The following SLC24A3 variants were observed in gnomAD, a reference collection of about 807,000 sequenced individuals.
SLC24A3 encodes solute carrier family 24 member 3.
In SLC24A3, 28 loss-of-function variants were observed where a neutral mutation model predicts 75.8. The ratio of observed to expected loss-of-function variants is 0.37; its 90% CI spans 0.27 to 0.51. The LOEUF is 0.51. Ranked by LOEUF, SLC24A3 falls within the 20% of genes least tolerant of loss-of-function variation. The probability of loss-of-function intolerance (pLI) is 0.94; values close to 1 mark genes in which losing one functional copy is unlikely to be tolerated. For missense variants in SLC24A3, 663 were observed against 847.8 expected (o/e 0.78, Z 2.71); for synonymous variants, 372 against 334.1 (o/e 1.11, Z -1.24).
chr20:19,512,701 A>G lies in SLC24A3; in HGVS notation c.272-2787A>G, dbSNP rs187568196. ...CGGGGCAGCAGTGAGGCAAGAGAAT[A>G]GAGCTGGGCTGGGGAGAACCCAGTG... On this transcript the variant is annotated intron_variant, in intron 2 of 16. Coordinates refer to ENST00000328041, the MANE Select transcript of SLC24A3 (RefSeq NM_020689.4). 3.3e-3 allele frequency among the ~76,000 whole-genome samples: 506 copies of G among 152,342 alleles called. 1 individual carries two copies. Among genetic ancestry groups the G allele is most frequent in the Non-Finnish European group, 4.7e-3 (319 of 68,016 alleles).
intron 4 of SLC24A3, among the ~76,000 whole-genome samples, chr20:19,583,656 A>T (rs1341569402): frequency 1.3e-5 from 2 of 152,230 alleles, no homozygotes; most frequent in Non-Finnish European, 2.9e-5. Flanking sequence ...ATACCCCAGC[A>T]GGACAGAACC....
intron 9 of SLC24A3, among the ~76,000 whole-genome samples, chr20:19,674,522 G>A (rs2032502347): frequency 6.6e-6 from 1 of 152,136 alleles, no homozygotes; most frequent in Non-Finnish European, 1.5e-5. Context: ...CAGAGCAAGT[G>A]GTTCAAGACA....
intron 2 of SLC24A3, among the ~76,000 whole-genome samples, chr20:19,407,864 T>C (rs565534798): frequency 6.6e-6 from 1 of 152,248 alleles, no homozygotes; most frequent in African/African-American, 2.4e-5. Flanking sequence ...GAAATAGGAG[T>C]AAGTCCTTCT....
intron 2 of SLC24A3, among the ~76,000 whole-genome samples, chr20:19,436,469 G>A (rs1248594830): frequency 6.6e-6 from 1 of 152,194 alleles, no homozygotes; most frequent in African/African-American, 2.4e-5. Flanking sequence ...ACTTTCAGGG[G>A]CTTCTCCAGG....
intron 2 of SLC24A3, among the ~76,000 whole-genome samples, chr20:19,361,202 T>C (rs1322553961): frequency 1.3e-5 from 2 of 152,212 alleles, no homozygotes; most frequent in African/African-American, 2.4e-5. Context: ...AGATATCTGC[T>C]AAAGCTTTGC....
At chr20:19,529,855 A>G (rs2030264742) in intron 3 of SLC24A3, among the ~76,000 whole-genome samples, 1 of 152,190 alleles carries the variant, frequency 6.6e-6, no homozygotes, top group African/African-American at 2.4e-5. Flanking sequence ...ACAGCCTGCC[A>G]CCTGAAAATT....
At chr20:19,495,998 A>G (rs1013893093) in intron 2 of SLC24A3, among the ~76,000 whole-genome samples, 7 of 152,170 alleles carry the variant, frequency 4.6e-5, no homozygotes, top group Admixed American at 4.6e-4. Context: ...ACAGAAGAAC[A>G]TAGAAATGTC....
At chr20:19,624,628 A>G (rs1208129642) in intron 6 of SLC24A3, among the ~76,000 whole-genome samples, 1 of 152,216 alleles carries the variant, frequency 6.6e-6, no homozygotes, top group African/African-American at 2.4e-5. Context: ...ACTCTCCTTC[A>G]GTGTCCAAAG....
At chr20:19,237,737 AT>A (rs1982207067) in intron 1 of SLC24A3, among the ~76,000 whole-genome samples, 1 of 152,090 alleles carries the variant, frequency 6.6e-6, no homozygotes, top group Admixed American at 6.5e-5. Flanking sequence ...TGAGAGGGAG[AT>A]TGAGCAGGAG....
intron 6 of SLC24A3, among the ~76,000 whole-genome samples, chr20:19,605,604 G>A (rs534685176): frequency 6.6e-5 from 10 of 152,126 alleles, no homozygotes; most frequent in South Asian, 2.1e-4. Context: ...GCTGTAACAC[G>A]TGCTGTCTGC....
chr20:19,717,421 T>A, intron 15 of SLC24A3, 107 bp from the exon 16 acceptor site: 1 of 1,031,038 alleles, frequency 9.7e-7, no homozygotes, highest in South Asian at 1.5e-5. Flanking sequence ...AGGGGAGATG[T>A]GGAATCACTG....
chr20:19,517,540 C>A (rs2122560347), intron 3 of SLC24A3, among the ~76,000 whole-genome samples: 1 of 152,334 alleles, frequency 6.6e-6, no homozygotes, highest in Middle Eastern at 3.4e-3. Flanking sequence ...TCCTTAAACA[C>A]TTCCCTAAGA....
At chr20:19,380,447 G>A (rs552777765) in intron 2 of SLC24A3, among the ~76,000 whole-genome samples, 1 of 152,288 alleles carries the variant, frequency 6.6e-6, no homozygotes, top group Admixed American at 6.5e-5. Context: ...AATAAGGGTG[G>A]ATTTACATTT....
intron 2 of SLC24A3, among the ~76,000 whole-genome samples, chr20:19,422,831 TG>T (rs1357579617): frequency 6.6e-6 from 1 of 152,214 alleles, no homozygotes; most frequent in Non-Finnish European, 1.5e-5. Flanking sequence ...CCCAGTGAGT[TG>T]GGGGAAGAAC....
At chr20:19,678,360 G>A (rs1337573715) in intron 9 of SLC24A3, among the ~76,000 whole-genome samples, 4 of 126,454 alleles carry the variant, frequency 3.2e-5, no homozygotes, top group South Asian at 2.4e-4. Context: ...CCTCCCTCCC[G>A]GACGGGGCGG....
rs1231665552 is a variant in SLC24A3, at chr20:19,253,925, A to C, written c.143-27034A>C. On this transcript the variant is annotated intron_variant, in intron 1 of 16. Transcript: ENST00000328041. ...GTTCCATGTCTAAATCAGAGGACCC[A>C]GTGGGAGACAGTAGGGTGTAGTGGA... Among the ~76,000 whole-genome samples the C allele has an allele frequency of 3.3e-5, 5 of 152,138 alleles. No individual in the cohort carries two copies. The East Asian group carries it at 7.7e-4, about 23-fold the overall frequency.
At chr20:19,306,475 A>G (rs188518711) in intron 2 of SLC24A3, among the ~76,000 whole-genome samples, 15 of 152,338 alleles carry the variant, frequency 9.8e-5, no homozygotes, top group Admixed American at 9.8e-4. Flanking sequence ...GGTGGACTGG[A>G]TAAAGAAATT....
At chr20:19,702,545 A>G (rs1057420142) in intron 15 of SLC24A3, among the ~76,000 whole-genome samples, 2 of 152,028 alleles carry the variant, frequency 1.3e-5, no homozygotes, top group Non-Finnish European at 2.9e-5. Context: ...CTTGGGGGAG[A>G]CTTGGTTAGG....
intron 7 of SLC24A3, among the ~76,000 whole-genome samples, chr20:19,663,426 T>TCCTCCTCCTCCTCCACCTCCTCCTCTA (rs1568689554): frequency 2.1e-5 from 1 of 47,178 alleles, no homozygotes; most frequent in Non-Finnish European, 3.7e-5. Context: ...CTCCTCCTCC[T>TCCTCCTCCTCCTCCACCTCCTCCTCTA]CCTCCTCCGC....
Sources: gnomAD v4.1 joint callset for allele counts (sites outside exome capture counted in the v4.1 genomes callset) on GRCh38, gnomAD v4.1.1 for gene constraint, MANE v1.5 for transcripts, NCBI Gene and HGNC (gene_info 2026-07-23, HGNC 2026-07-21) for gene names.